PPFIBP1: variants seen among roughly 807,000 people sequenced by gnomAD.
The protein encoded by PPFIBP1 is PPFIB scaffold protein 1, also known as liprin-beta-1.
Under a neutral mutation model 137.8 loss-of-function variants are expected in PPFIBP1, and 112 were observed. That is an observed-to-expected ratio of 0.81 (90% CI 0.70 to 0.95). PPFIBP1 has a LOEUF of 0.95. Ranked by LOEUF, PPFIBP1 falls within the 40% of genes least tolerant of loss-of-function variation. The pLI is 0.00. For synonymous variants in PPFIBP1, 378 were observed against 417.3 expected (o/e 0.91, Z 1.15); for missense variants, 1,083 against 1,196.6 (o/e 0.91, Z 1.40).
intron 2 of PPFIBP1, among the ~76,000 whole-genome samples, chr12:27,607,647 C>T (rs879498147): frequency 1.3e-5 from 2 of 152,176 alleles, no homozygotes; most frequent in Admixed American, 1.3e-4. Flanking sequence ...GGGGGCCACA[C>T]TTTGAGACCC....
At chr12:27,656,132 C>T (rs2059182507) in intron 8 of PPFIBP1, among the ~76,000 whole-genome samples, 2 of 152,142 alleles carry the variant, frequency 1.3e-5, no homozygotes, top group Non-Finnish European at 2.9e-5. Flanking sequence ...TAAAATTGTT[C>T]ATGACTTGCT....
chr12:27,596,330 G>T (rs1312281847), intron 2 of PPFIBP1, among the ~76,000 whole-genome samples: 2 of 152,066 alleles, frequency 1.3e-5, no homozygotes, highest in Admixed American at 6.6e-5. Context: ...AAGGAATTCT[G>T]ATGACATGAT....
At chr12:27,558,761 A>G (rs1459938108) in intron 1 of PPFIBP1, among the ~76,000 whole-genome samples, 1 of 152,204 alleles carries the variant, frequency 6.6e-6, no homozygotes, top group Non-Finnish European at 1.5e-5. Context: ...GCAAAGCTTT[A>G]CTAGCATGCA....
chr12:27,595,713 G>C (rs951163840), intron 2 of PPFIBP1, among the ~76,000 whole-genome samples: 1 of 151,806 alleles, frequency 6.6e-6, no homozygotes, highest in African/African-American at 2.4e-5. Flanking sequence ...AATTAGCCGG[G>C]TGTGGTGGCC....
At chr12:27,657,358 A>G (rs1167182620) in intron 9 of PPFIBP1, among the ~76,000 whole-genome samples, 1 of 152,000 alleles carries the variant, frequency 6.6e-6, no homozygotes, top group African/African-American at 2.4e-5. Flanking sequence ...CGAATGAAAT[A>G]CATTTTTAAA....
chr12:27,680,695 C>G (rs534577025), intron 21 of PPFIBP1, among the ~76,000 whole-genome samples: 20 of 152,284 alleles, frequency 1.3e-4, no homozygotes, highest in African/African-American at 4.8e-4. Context: ...CATTAAGATT[C>G]TAAGAACTGC....
chr12:27,621,019 CT>C (rs1206057909), intron 2 of PPFIBP1, among the ~76,000 whole-genome samples: 1 of 152,130 alleles, frequency 6.6e-6, no homozygotes, highest in East Asian at 1.9e-4. Context: ...AGAATAGTGC[CT>C]GATATGCAGT....
intron 24 of PPFIBP1, among the ~76,000 whole-genome samples, chr12:27,686,756 G>C (rs891844727): frequency 1.1e-4 from 16 of 152,168 alleles, no homozygotes; most frequent in African/African-American, 3.6e-4. Flanking sequence ...ACCCAGCCTT[G>C]CTAGGAGCGG....
At chr12:27,557,239 T>TG (rs2048771919) in intron 1 of PPFIBP1, among the ~76,000 whole-genome samples, 1 of 88 alleles carries the variant, frequency 0.011, no homozygotes, top group Admixed American at 0.1. Flanking sequence ...ATGGTAACAA[T>TG]TTTTTTTTTT....
At chr12:27,609,607 A>T (rs2054876033) in intron 2 of PPFIBP1, among the ~76,000 whole-genome samples, 1 of 152,158 alleles carries the variant, frequency 6.6e-6, no homozygotes, top group South Asian at 2.1e-4. Context: ...CACAGATCAC[A>T]TCAAGTCAAC....
At chr12:27,571,426 G>A (rs757330147) in intron 1 of PPFIBP1, among the ~76,000 whole-genome samples, 13 of 152,086 alleles carry the variant, frequency 8.5e-5, no homozygotes, top group Non-Finnish European at 1.8e-4. Context: ...AATCTGGTCC[G>A]TGGTAAAATG....
intron 2 of PPFIBP1, among the ~76,000 whole-genome samples, chr12:27,599,697 C>T (rs146181634): frequency 1.3e-5 from 2 of 152,226 alleles, no homozygotes; most frequent in East Asian, 3.9e-4. Context: ...ACATCCTGAA[C>T]CTGTGATGGG....
At chr12:27,612,284 C>T (rs1397317214) in intron 2 of PPFIBP1, among the ~76,000 whole-genome samples, 1 of 150,822 alleles carries the variant, frequency 6.6e-6, no homozygotes, top group Non-Finnish European at 1.5e-5. Context: ...CTGCAGCACA[C>T]TGGCATCAGT....
In PPFIBP1 at chr12:27,682,441, G is replaced by A; in HGVS notation, c.2101G>A (p.Ala701Thr). The change falls in exon 23 of 30, where the codon GCC becomes ACC. Residue 701 changes from alanine to threonine, a missense_variant. Ala to Thr is a moderately conservative substitution (Grantham distance 58). Coordinates refer to ENST00000228425, the MANE Select transcript of PPFIBP1 (RefSeq NM_003622.4). Reference sequence around the variant, plus strand: ...AAAGAAACTCCAGCTAGCACTCCAAGCCCTGGGATCTGAAGAAGAAACCAA... The same window carrying A: ...AAAGAAACTCCAGCTAGCACTCCAAACCCTGGGATCTGAAGAAGAAACCAA... ...HRKKLQLALQ[A>T]LGSEEETNHG... 2 of 1,614,116 alleles carry A rather than the reference G, an allele frequency of 1.2e-6. No individual in the cohort carries two copies. The highest frequency in any genetic ancestry group is 2.2e-5 in the East Asian group (1 of 44,880).
chr12:27,663,501 G>A (rs1466961338), intron 11 of PPFIBP1, among the ~76,000 whole-genome samples: 1 of 152,100 alleles, frequency 6.6e-6, no homozygotes, highest in Non-Finnish European at 1.5e-5. Context: ...AGTGAAAGGA[G>A]AAGGAAAGAG....
intron 1 of PPFIBP1, among the ~76,000 whole-genome samples, chr12:27,561,479 C>A (rs1021455879): frequency 6.6e-6 from 1 of 152,152 alleles, no homozygotes; most frequent in Admixed American, 6.5e-5. Context: ...CTGAGTGGGT[C>A]TCTCTGTAGG....
At chr12:27,571,909 C>T (rs372778213) in intron 1 of PPFIBP1, among the ~76,000 whole-genome samples, 1 of 152,176 alleles carries the variant, frequency 6.6e-6, no homozygotes. Context: ...TTGAGAGTGG[C>T]GCAGTCATTT....
intron 1 of PPFIBP1, among the ~76,000 whole-genome samples, chr12:27,539,054 CTAAGTA>C (rs1442050739): frequency 2.0e-5 from 3 of 152,134 alleles, no homozygotes; most frequent in Non-Finnish European, 2.9e-5. Context: ...TATCCTGCCT[CTAAGTA>C]TCAGTAGTGC....
Position 27,527,772 on chromosome 12 carries a change from G to GA in PPFIBP1, c.-124+3418dup, listed in dbSNP as rs368152234. ...AAAGTCATATTAGCTCCAAAATTAA[G>GA]AAAAAAAAAAATCACAGTTGAGCAG... On this transcript the variant is annotated intron_variant, in intron 1 of 29. Transcript: ENST00000228425. Among the ~76,000 whole-genome samples the GA allele has an allele frequency of 3.1e-3, 450 of 145,464 alleles. 1 individual carries two copies. The highest frequency in any genetic ancestry group is 0.01 in the African/African-American group (403 of 39,846).
Sources: gnomAD v4.1 joint callset for allele counts (sites outside exome capture counted in the v4.1 genomes callset) on GRCh38, gnomAD v4.1.1 for gene constraint, MANE v1.5 for transcripts, NCBI Gene and HGNC (gene_info 2026-07-23, HGNC 2026-07-21) for gene names.